Variants in POU2F1 observed in about 807,000 individuals in gnomAD.
POU2F1 encodes POU class 2 homeobox 1.
In POU2F1, 16 loss-of-function variants were observed where a neutral mutation model predicts 84.9. The observed-to-expected ratio is 0.19, with a 90% CI of 0.13 to 0.29. The LOEUF is 0.29. Among genes scored for constraint, POU2F1 ranks in the 10% least tolerant of loss-of-function variants. The pLI is 1.00. For missense variants in POU2F1, 738 were observed against 942.6 expected (o/e 0.78, Z 2.84); for synonymous variants, 368 against 368.3 (o/e 1.00, Z 0.01).
intron 9 of POU2F1, among the ~76,000 whole-genome samples, chr1:167,395,103 G>C (rs931755992): frequency 4.6e-5 from 7 of 152,134 alleles, no homozygotes; most frequent in African/African-American, 1.4e-4. Context: ...TTTAAACTCC[G>C]TGAGCCTCTG....
chr1:167,416,605 A>G lies in POU2F1; in HGVS notation c.*795A>G, dbSNP rs1415299783. 2 of 153,148 alleles carry G rather than the reference A, an allele frequency of 1.3e-5. No homozygotes were observed. 9.5% of individuals were successfully genotyped at this position (153,148 alleles called of 1,614,324 possible). On this transcript the variant is annotated 3_prime_UTR_variant, in exon 16 of 16. Transcript: ENST00000367866. ...AATTATTTTCTTTTGCCACTTATGC[A>G]AGAGGCTTGGTGCAGAAGCTGAAGG... is the stretch of plus-strand genomic sequence containing the variant.
chr1:167,286,824 G>GAT (rs1394986043), intron 1 of POU2F1, among the ~76,000 whole-genome samples: 4 of 152,176 alleles, frequency 2.6e-5, no homozygotes, highest in Admixed American at 2.6e-4. Context: ...TAATGGATTA[G>GAT]ATAACCTGAA....
In POU2F1 at chr1:167,340,323, G is replaced by A. The variant is rs199527771; in HGVS notation, c.127+7788G>A. The stretch of plus-strand genomic sequence containing the variant: ...TCGAACTCCTGACCTCAGGTGATCC[G>A]CCCACCTTGGCTTCCCAAAGTGCTG... On this transcript the variant is annotated intron_variant, in intron 2 of 15. Coordinates refer to ENST00000367866, the MANE Select transcript of POU2F1 (RefSeq NM_002697.4). 1.4e-4 allele frequency among the ~76,000 whole-genome samples: 22 copies of A among 152,064 alleles called. 1 individual carries two copies. In the East Asian group the frequency reaches 2.9e-3, roughly 20 times the overall value.
intron 1 of POU2F1, among the ~76,000 whole-genome samples, chr1:167,276,528 GC>G (rs1652741089): frequency 1.3e-5 from 2 of 152,090 alleles, no homozygotes; most frequent in African/African-American, 4.8e-5. Context: ...CTTGGAATGT[GC>G]CCCCCACAGA....
chr1:167,314,397 G>T (rs147378157), intron 1 of POU2F1, among the ~76,000 whole-genome samples: 3 of 152,332 alleles, frequency 2.0e-5, no homozygotes, highest in Admixed American at 6.5e-5. Context: ...CCAAATGCTA[G>T]TAGATTTGGA....
At chr1:167,368,557 A>T (rs907840932) in intron 3 of POU2F1, among the ~76,000 whole-genome samples, 7 of 152,186 alleles carry the variant, frequency 4.6e-5, no homozygotes, top group African/African-American at 1.2e-4. Flanking sequence ...TAAAAATCAC[A>T]TAAAATTTTT....
chr1:167,362,264 A>G (rs951083718), intron 2 of POU2F1, among the ~76,000 whole-genome samples: 7 of 152,252 alleles, frequency 4.6e-5, no homozygotes, highest in Non-Finnish European at 8.8e-5. Flanking sequence ...AAATTCCTCT[A>G]TTTATCTGAG....
intron 1 of POU2F1, among the ~76,000 whole-genome samples, chr1:167,247,454 C>T (rs1249396831): frequency 1.3e-5 from 2 of 152,066 alleles, no homozygotes; most frequent in African/African-American, 4.8e-5. Context: ...TAATCTTTAC[C>T]TAAATTTCCT....
Position 167,365,401 on chromosome 1 carries a change from C to A in POU2F1, c.128-66C>A. 3.2e-6 allele frequency: 4 copies of A among 1,246,312 alleles called. No homozygotes were observed. In the South Asian group the frequency reaches 6.2e-5, roughly 19 times the overall value. The allele number at this position is 1,246,312 out of a possible 1,614,324, so 77.2% of individuals were successfully genotyped here. ...ATAGGTGCCTGATGAATGTTGGTAA[C>A]TGAAATCTAGTGCTTTATTTCATTT... On this transcript the variant is annotated intron_variant, in intron 2 of 15. Coordinates refer to ENST00000367866, the MANE Select transcript of POU2F1 (RefSeq NM_002697.4).
In POU2F1 at chr1:167,374,122, TGCCCAGCAACA is replaced by T; in HGVS notation, c.419_429del (p.Ala140ValfsTer155). ...GTTTTGTTTAGCTTACTTTGACGCC[TGCCCAGCAACA>T]GTTACTACTCCAGCAGGCACAGGCA... On this transcript the variant is annotated frameshift_variant, in exon 6 of 16. Transcript: ENST00000367866. LOFTEE classifies it high-confidence loss of function. 6.2e-7 allele frequency: 1 copy of T among 1,614,122 alleles called. No individual in the cohort carries two copies. The highest frequency in any genetic ancestry group is 8.5e-7 in the Non-Finnish European group (1 of 1,180,002).
rs1364682163 is a variant in POU2F1, at chr1:167,417,574, CT to C, written c.*1765del. 2.0e-5 allele frequency: 3 copies of C among 152,202 alleles called. No individual in the cohort carries two copies. Among genetic ancestry groups the C allele is most frequent in the African/African-American group, 7.2e-5 (3 of 41,440 alleles). The allele number at this position is 152,202 out of a possible 1,614,324, so 9.4% of individuals were successfully genotyped here. A position where few individuals can be genotyped will look rare whatever the true frequency, so the allele number is the denominator to read the frequency against. ...AAAAGACTGGATCACTGCAGTGCAG[CT>C]CATCTAAGTTCCCCTTCTTATTGGA... On this transcript the variant is annotated 3_prime_UTR_variant, in exon 16 of 16. Transcript: ENST00000367866.
intron 2 of POU2F1, among the ~76,000 whole-genome samples, chr1:167,356,674 A>G (rs1571358650): frequency 6.6e-6 from 1 of 152,188 alleles, no homozygotes; most frequent in African/African-American, 2.4e-5. Flanking sequence ...GACCAAGGCA[A>G]GTTTCAGAGC....
intron 1 of POU2F1, among the ~76,000 whole-genome samples, chr1:167,247,349 T>A (rs1650411598): frequency 6.6e-6 from 1 of 152,158 alleles, no homozygotes; most frequent in Non-Finnish European, 1.5e-5. Context: ...ATTACAAGTG[T>A]GACCTGCCAC....
intron 13 of POU2F1, among the ~76,000 whole-genome samples, chr1:167,411,598 G>C (rs530062899): frequency 3.5e-4 from 54 of 152,182 alleles, no homozygotes; most frequent in African/African-American, 1.3e-3. Context: ...GGAGATTTCT[G>C]AATGAAAAGA....
chr1:167,235,252 C>CT (rs1649361859), intron 1 of POU2F1, among the ~76,000 whole-genome samples: 1 of 152,216 alleles, frequency 6.6e-6, no homozygotes, highest in South Asian at 2.1e-4. Flanking sequence ...TCCCTACCCT[C>CT]TGAGTACTTG....
At chr1:167,328,812 C>T (rs1435307060) in intron 1 of POU2F1, among the ~76,000 whole-genome samples, 4 of 152,138 alleles carry the variant, frequency 2.6e-5, no homozygotes, top group African/African-American at 4.8e-5. Flanking sequence ...TTAAATTATG[C>T]AGGGAGTGCT....
chr1:167,222,902 C>T (rs571341323), intron 1 of POU2F1, among the ~76,000 whole-genome samples: 2 of 152,240 alleles, frequency 1.3e-5, no homozygotes, highest in South Asian at 4.1e-4. Flanking sequence ...GCTCCCCACC[C>T]CCATGTTAAA....
chr1:167,259,357 G>A (rs1287166040), intron 1 of POU2F1, among the ~76,000 whole-genome samples: 1 of 152,234 alleles, frequency 6.6e-6, no homozygotes, highest in African/African-American at 2.4e-5. Flanking sequence ...CATGGATACA[G>A]GGAAGGGAGT....
chr1:167,238,616 G>A (rs1387048003), intron 1 of POU2F1, among the ~76,000 whole-genome samples: 1 of 152,136 alleles, frequency 6.6e-6, no homozygotes, highest in Non-Finnish European at 1.5e-5. Context: ...TGGGAGATGA[G>A]GATATTGAGT....
Sources: allele counts gnomAD v4.1 joint callset (sites outside exome capture counted in the v4.1 genomes callset), GRCh38; gene constraint gnomAD v4.1.1; transcripts MANE v1.5; gene names NCBI Gene and HGNC (gene_info 2026-07-23, HGNC 2026-07-21).